The following ZSWIM5 variants were observed in gnomAD, a reference collection of about 807,000 sequenced individuals.
The protein encoded by ZSWIM5 is zinc finger SWIM-type containing 5.
In ZSWIM5, 55 loss-of-function variants were observed where a neutral mutation model predicts 119.6. The ratio of observed to expected loss-of-function variants is 0.46; its 90% CI spans 0.37 to 0.58. The LOEUF (loss-of-function observed/expected upper bound fraction) is 0.58. ZSWIM5 is among the 20% of genes least tolerant of loss of function. The pLI is 0.00. For missense variants in ZSWIM5, 1,193 were observed against 1,512.8 expected, an observed-to-expected ratio of 0.79 and a Z score of 3.51; for synonymous variants, 537 against 606.9, an observed-to-expected ratio of 0.88 and a Z score of 1.69.
At chr1:45,095,383 C>T (rs1645394971) in intron 1 of ZSWIM5, among the ~76,000 whole-genome samples, 1 of 152,172 alleles carries the variant, frequency 6.6e-6, no homozygotes, top group Non-Finnish European at 1.5e-5. Flanking sequence ...GCCTCAGCCT[C>T]CCAAAGTCCT....
intron 11 of ZSWIM5, among the ~76,000 whole-genome samples, chr1:45,027,408 T>C (rs1311810698): frequency 6.6e-6 from 1 of 151,808 alleles, no homozygotes; most frequent in Admixed American, 6.6e-5. Flanking sequence ...AATTAATTAA[T>C]TTTTTTTGAG....
At chr1:45,197,041 A>C (rs1334884798) in intron 1 of ZSWIM5, among the ~76,000 whole-genome samples, 3 of 152,256 alleles carry the variant, frequency 2.0e-5, no homozygotes, top group Non-Finnish European at 4.4e-5. Flanking sequence ...TGCCCAAAAC[A>C]ACCAATAGGC....
chr1:45,151,866 A>G (rs1381835546), intron 1 of ZSWIM5, among the ~76,000 whole-genome samples: 2 of 152,236 alleles, frequency 1.3e-5, no homozygotes, highest in Admixed American at 6.5e-5. Flanking sequence ...TTTGACATAC[A>G]TGAAACCATC....
chr1:45,143,335 CTG>C (rs1288738693), intron 1 of ZSWIM5, among the ~76,000 whole-genome samples: 4 of 152,002 alleles, frequency 2.6e-5, no homozygotes, highest in Non-Finnish European at 4.4e-5. Context: ...GAATGCAAAG[CTG>C]TTTCAATATT....
intron 1 of ZSWIM5, among the ~76,000 whole-genome samples, chr1:45,200,732 T>C (rs1646153588): frequency 6.6e-6 from 1 of 152,172 alleles, no homozygotes; most frequent in Non-Finnish European, 1.5e-5. Flanking sequence ...ATCATGCAAA[T>C]TGAATCAAGC....
At chr1:45,051,047 A>C in intron 5 of ZSWIM5, 27 bp downstream of exon 5, 1 of 1,598,820 alleles carries the variant, frequency 6.3e-7, no homozygotes, top group East Asian at 2.3e-5. Flanking sequence ...TCCAGGTACA[A>C]AGAGCCTAAA....
chr1:45,155,007 A>T (rs183039628), intron 1 of ZSWIM5, among the ~76,000 whole-genome samples: 13 of 152,338 alleles, frequency 8.5e-5, no homozygotes, highest in African/African-American at 3.1e-4. Flanking sequence ...ACAACCCAAA[A>T]GCAAATGCAA....
intron 1 of ZSWIM5, among the ~76,000 whole-genome samples, chr1:45,118,116 C>A (rs967558912): frequency 6.6e-6 from 1 of 151,820 alleles, no homozygotes. Context: ...AAAAAAAATT[C>A]TTGTTGTAAA....
intron 1 of ZSWIM5, among the ~76,000 whole-genome samples, chr1:45,166,631 A>T (rs1645905816): frequency 6.6e-6 from 1 of 152,104 alleles, no homozygotes; most frequent in African/African-American, 2.4e-5. Context: ...AGTGTCAGGA[A>T]ACAAAAGCAA....
rs371965774 is a variant in ZSWIM5, at chr1:45,034,300, A to G, written c.2449+12T>C. ...CGGGTGATGCTGGAGCTTAAGGTCT[A>G]TCTATGCTCACCTTTGGCAGCAGTC... On this transcript the variant is annotated intron_variant, in intron 11 of 13. Transcript: ENST00000359600. The G allele has an allele frequency of 1.3e-6, 2 of 1,591,194 alleles. No individual in the cohort carries two copies. Among genetic ancestry groups the G allele is most frequent in the African/African-American group, 1.3e-5 (1 of 74,360 alleles).
chr1:45,173,064 C>G (rs542568865), intron 1 of ZSWIM5, among the ~76,000 whole-genome samples: 1 of 152,114 alleles, frequency 6.6e-6, no homozygotes, highest in African/African-American at 2.4e-5. Flanking sequence ...TCTTGGGAGG[C>G]TGAGGCAGGA....
At chr1:45,094,024 T>C (rs541631216) in intron 1 of ZSWIM5, among the ~76,000 whole-genome samples, 2 of 264 alleles carry the variant, frequency 7.6e-3, no homozygotes, top group African/African-American at 0.053. Flanking sequence ...TTTATTTTTA[T>C]ATTTATTTAT....
At chr1:45,188,496 A>C (rs1486671832) in intron 1 of ZSWIM5, among the ~76,000 whole-genome samples, 1 of 152,208 alleles carries the variant, frequency 6.6e-6, no homozygotes. Context: ...GGTGAGGAAA[A>C]TCTTCTAAAA....
chr1:45,205,774 C>A lies in ZSWIM5; in HGVS notation c.577G>T (p.Glu193Ter). 1.3e-6 allele frequency: 2 copies of A among 1,568,066 alleles called. No homozygotes were observed. Among genetic ancestry groups the A allele is most frequent in the East Asian group, 2.4e-5 (1 of 41,484 alleles). ...GIRLLDSGSV[E>*]NVLQVGFHLS... is the part of the protein sequence containing the mutation. Reference sequence around the variant, plus strand: ...CACATACCGACTTGCAGCACGTTCTCCACGGAGCCGCTGTCCAGCAGACGG... The same window carrying A: ...CACATACCGACTTGCAGCACGTTCTACACGGAGCCGCTGTCCAGCAGACGG... Residue 193 changes from glutamate (E) to a stop codon, truncating the protein, a stop_gained, in exon 1 of 14, where the codon GAG becomes TAG. Coordinates refer to ENST00000359600, the MANE Select transcript of ZSWIM5 (RefSeq NM_020883.2). LOFTEE classifies it high-confidence loss of function.
chr1:45,038,878 G>C, intron 8 of ZSWIM5, 58 bp downstream of exon 8: 1 of 1,602,260 alleles, frequency 6.2e-7, no homozygotes. Flanking sequence ...TTACAGGTGT[G>C]AGCCACCATG....
At chr1:45,131,550 C>A (rs12079342) in intron 1 of ZSWIM5, among the ~76,000 whole-genome samples, 8,792 of 151,682 alleles carry the variant, frequency 0.058, 528 homozygotes, top group East Asian at 0.23. Flanking sequence ...ATGGCGAAAC[C>A]CAGTCCCCAC....
chr1:45,059,255 G>A (rs1249411772), intron 3 of ZSWIM5, among the ~76,000 whole-genome samples: 2 of 152,180 alleles, frequency 1.3e-5, no homozygotes, highest in African/African-American at 2.4e-5. Context: ...ACTAACAGAT[G>A]AATGGATAAA....
intron 1 of ZSWIM5, among the ~76,000 whole-genome samples, chr1:45,192,846 T>C (rs369268568): frequency 7.2e-5 from 11 of 152,194 alleles, no homozygotes; most frequent in African/African-American, 2.7e-4. Flanking sequence ...ATAACCATCC[T>C]AATGGGTGTG....
intron 1 of ZSWIM5, among the ~76,000 whole-genome samples, chr1:45,142,189 T>C (rs1645731605): frequency 6.6e-6 from 1 of 152,058 alleles, no homozygotes; most frequent in African/African-American, 2.4e-5. Flanking sequence ...CCAGCCTAGG[T>C]GACAAAGTGA....
Sources: gnomAD v4.1 joint callset for allele counts (sites outside exome capture counted in the v4.1 genomes callset) on GRCh38, gnomAD v4.1.1 for gene constraint, MANE v1.5 for transcripts, NCBI Gene and HGNC (gene_info 2026-07-23, HGNC 2026-07-21) for gene names.